MGAT5: variants seen among roughly 807,000 people sequenced by gnomAD.
MGAT5 encodes the protein alpha-1,6-mannosylglycoprotein 6-beta-N-acetylglucosaminyltransferase A.
In MGAT5, 30 loss-of-function variants were observed where a neutral mutation model predicts 94.3. The ratio of observed to expected loss-of-function variants is 0.32; its 90% confidence interval spans 0.24 to 0.43. The LOEUF (loss-of-function observed/expected upper bound fraction) is 0.43. MGAT5 is among the 20% of genes least tolerant of loss of function. The pLI is 1.00. For missense variants in MGAT5, 691 were observed against 905.5 expected, an observed-to-expected ratio of 0.76 and a Z score of 3.04; for synonymous variants, 310 against 322.9, an observed-to-expected ratio of 0.96 and a Z score of 0.43.
chr2:134,314,862 CAG>C lies in MGAT5; in HGVS notation c.407-2666_407-2665del, dbSNP rs1558783332. Among the ~76,000 whole-genome samples the C allele has an allele frequency of 2.0e-5, 3 of 152,118 alleles. No homozygotes were observed. The East Asian group carries it at 5.8e-4, about 29-fold the overall frequency. On this transcript the variant is annotated intron_variant, in intron 2 of 15. Transcript: ENST00000281923. ...CTTTGGGAATCTCCTAGCATAGCAA[CAG>C]GGGGGTCTGTGCCTGATTCTGTAAA... is the stretch of plus-strand genomic sequence containing the variant.
chr2:134,191,422 G>A (rs541185298), intron 1 of MGAT5, among the ~76,000 whole-genome samples: 1 of 152,334 alleles, frequency 6.6e-6, no homozygotes, highest in South Asian at 2.1e-4. Context: ...GCGGGAGCGC[G>A]TTCCTGATGA....
At position 134,189,592 on chromosome 2, in the gene MGAT5, G is replaced by GTTTTTTTTTTTTTTTTTTTTTTTTTTTT. The variant is rs113582076; in HGVS notation, c.-142-64661_-142-64660insTTTTTTTTTTTTTTTTTTTTTTTTTTTT. ...ACATATGACTAACCTCATGGCTCTA[G>GTTTTTTTTTTTTTTTTTTTTTTTTTTTT]TTTTTTTTTGTTTTTTTTTTTTTTT... On this transcript the variant is annotated intron_variant, in intron 1 of 16. Transcript: ENST00000409645. Among the ~76,000 whole-genome samples the GTTTTTTTTTTTTTTTTTTTTTTTTTTTT allele has an allele frequency of 1.8e-4, 10 of 56,292 alleles. 1 individual carries two copies. The highest frequency in any genetic ancestry group is 5.6e-4 in the African/African-American group (9 of 16,108). 36.9% of individuals were successfully genotyped at this position (56,292 alleles called of 152,430 possible).
At chr2:134,383,824 C>A (rs922893515) in intron 10 of MGAT5, among the ~76,000 whole-genome samples, 2 of 151,974 alleles carry the variant, frequency 1.3e-5, no homozygotes, top group Non-Finnish European at 2.9e-5. Flanking sequence ...CTGCCTCAGG[C>A]GCCCACCACC....
chr2:134,154,360 T>C (rs914261095), intron 1 of MGAT5, among the ~76,000 whole-genome samples: 15 of 152,162 alleles, frequency 9.9e-5, no homozygotes, highest in Non-Finnish European at 1.6e-4. Flanking sequence ...ATGGCCCTGC[T>C]CCCACCCACT....
chr2:134,348,866 C>T (rs116345993), intron 8 of MGAT5, among the ~76,000 whole-genome samples: 4 of 152,244 alleles, frequency 2.6e-5, no homozygotes, highest in African/African-American at 7.2e-5. Context: ...GGTTGCTCTT[C>T]GTGCACTCTA....
At chr2:134,316,829 C>T (rs1407237166) in intron 2 of MGAT5, among the ~76,000 whole-genome samples, 2 of 152,136 alleles carry the variant, frequency 1.3e-5, no homozygotes, top group East Asian at 3.9e-4. Flanking sequence ...AGAAATGACC[C>T]TTAGCTTCTC....
chr2:134,147,907 C>A (rs1308876520), intron 1 of MGAT5, among the ~76,000 whole-genome samples: 2 of 152,226 alleles, frequency 1.3e-5, no homozygotes, highest in African/African-American at 4.8e-5. Flanking sequence ...ATTAGAAATA[C>A]CTTGACCTTT....
At chr2:134,369,443 A>G (rs1345199286) in intron 10 of MGAT5, among the ~76,000 whole-genome samples, 1 of 152,176 alleles carries the variant, frequency 6.6e-6, no homozygotes, top group Non-Finnish European at 1.5e-5. Flanking sequence ...CTGCTGTCAT[A>G]TGATTGGGAC....
chr2:134,441,932 GGGGGT>G lies in MGAT5; in HGVS notation c.2027+22_2027+26del. The G allele has an allele frequency of 6.2e-7, 1 of 1,608,660 alleles. No homozygotes were observed. On this transcript the variant is annotated intron_variant, in intron 15 of 15. Transcript: ENST00000281923. Reference sequence around the variant, plus strand: ...CATGCTGAAGTAAGTGCCCTGGGGTGGGGGTGGGGACTCAGCCCCTAGACTCCAGC... The same window carrying G: ...CATGCTGAAGTAAGTGCCCTGGGGTGGGGGACTCAGCCCCTAGACTCCAGC...
rs117908058 is a variant in MGAT5, at chr2:134,143,865, G to A, written c.-143+23574G>A. ...CTATGAAATGAAGGCACAGTTTTCT[G>A]TTACCACGTAAGGATTTTGCTGGGT... is the stretch of plus-strand genomic sequence containing the variant. On this transcript the variant is annotated intron_variant, in intron 1 of 16. Coordinates refer to the MGAT5 transcript ENST00000409645. Among the ~76,000 whole-genome samples the A allele has an allele frequency of 2.4e-3, 366 of 152,294 alleles. 5 individuals carry two copies. The East Asian group carries it at 0.026, about 11-fold the overall frequency.
At chr2:134,169,649 G>A (rs1023661669) in intron 1 of MGAT5, among the ~76,000 whole-genome samples, 1 of 152,114 alleles carries the variant, frequency 6.6e-6, no homozygotes, top group African/African-American at 2.4e-5. Flanking sequence ...AAGGAGAAAG[G>A]ACTTCTTCAA....
chr2:134,321,157 A>C (rs1160466565), intron 4 of MGAT5, among the ~76,000 whole-genome samples: 4 of 152,154 alleles, frequency 2.6e-5, no homozygotes, highest in African/African-American at 7.2e-5. Flanking sequence ...GCCTGGGGCC[A>C]TGCGTGAACC....
chr2:134,383,709 T>A (rs530485642), intron 10 of MGAT5, among the ~76,000 whole-genome samples: 5 of 126,646 alleles, frequency 3.9e-5, no homozygotes, highest in Non-Finnish European at 6.2e-5. Flanking sequence ...GAGCTAAGCA[T>A]TTTTTTTTTT....
chr2:134,296,894 G>A (rs1685706814), intron 2 of MGAT5, among the ~76,000 whole-genome samples: 1 of 152,110 alleles, frequency 6.6e-6, no homozygotes, highest in South Asian at 2.1e-4. Flanking sequence ...GACACAATCT[G>A]TACTGACTCA....
At chr2:134,394,481 C>T (rs1682594742) in intron 10 of MGAT5, among the ~76,000 whole-genome samples, 1 of 152,108 alleles carries the variant, frequency 6.6e-6, no homozygotes, top group Non-Finnish European at 1.5e-5. Flanking sequence ...ACAGTTAATA[C>T]TGGAAAACAC....
chr2:134,451,716 T>G lies in MGAT5; in HGVS notation c.*2869T>G, dbSNP rs1033831332. 4 of 152,230 alleles carry G rather than the reference T, an allele frequency of 2.6e-5. No homozygotes were observed. The highest frequency in any genetic ancestry group is 9.6e-5 in the African/African-American group (4 of 41,452). The allele number at this position is 152,230 out of a possible 1,614,324, so 9.4% of individuals were successfully genotyped here. ...TGTTTTTTTGGATTATTTTCCCCATTGTGATCCTAAGCTCTTAAAAAACTT... is the reference window on the plus strand; with the variant it reads ...TGTTTTTTTGGATTATTTTCCCCATGGTGATCCTAAGCTCTTAAAAAACTT... On this transcript the variant is annotated 3_prime_UTR_variant, in exon 16 of 16. Coordinates refer to ENST00000281923, the MANE Select transcript of MGAT5 (RefSeq NM_002410.5).
intron 10 of MGAT5, among the ~76,000 whole-genome samples, chr2:134,396,762 GC>G (rs1682736591): frequency 6.6e-6 from 1 of 152,202 alleles, no homozygotes; most frequent in Non-Finnish European, 1.5e-5. Context: ...CCTGTGCCAG[GC>G]CTCTGCCAAG....
intron 10 of MGAT5, among the ~76,000 whole-genome samples, chr2:134,384,148 G>A (rs1681812473): frequency 6.6e-6 from 1 of 151,512 alleles, no homozygotes; most frequent in Non-Finnish European, 1.5e-5. Flanking sequence ...GAGCATCAGT[G>A]GTAGAGTTGA....
At chr2:134,301,763 A>C (rs1273013345) in intron 2 of MGAT5, among the ~76,000 whole-genome samples, 1 of 152,182 alleles carries the variant, frequency 6.6e-6, no homozygotes, top group South Asian at 2.1e-4. Context: ...GGAGGAGAAT[A>C]AGGACGTGCT....
Sources: allele counts gnomAD v4.1 joint callset (sites outside exome capture counted in the v4.1 genomes callset), GRCh38; gene constraint gnomAD v4.1.1; transcripts MANE v1.5; gene names NCBI Gene and HGNC (gene_info 2026-07-23, HGNC 2026-07-21).